Variants in CCDC91 observed in about 807,000 individuals in gnomAD.
CCDC91 encodes coiled-coil domain-containing protein 91.
A neutral mutation model predicts 63.2 loss-of-function variants in CCDC91; 48 were observed. That is an observed-to-expected ratio of 0.76 (90% CI 0.60 to 0.97). The LOEUF (loss-of-function observed/expected upper bound fraction) is 0.97, where lower values mean the gene tolerates loss of function less well. CCDC91 is among the 50% of genes least tolerant of loss of function. The probability of loss-of-function intolerance (pLI) is 0.00; values close to 1 mark genes in which losing one functional copy is unlikely to be tolerated. For missense variants in CCDC91, 500 were observed against 494.6 expected (o/e 1.01, Z -0.10); for synonymous variants, 167 against 165.8 (o/e 1.01, Z -0.06).
intron 1 of CCDC91, chr12:28,191,416 T>G (rs1941232565): frequency 2.0e-5 from 3 of 152,274 alleles, no homozygotes. Context: ...GAGGGTAAAG[T>G]CTTGGCCACA....
chr12:28,327,739 A>G (rs577581444), intron 6 of CCDC91, among the ~76,000 whole-genome samples: 1 of 152,280 alleles, frequency 6.6e-6, no homozygotes, highest in South Asian at 2.1e-4. Context: ...CAACGACGCC[A>G]CTTCAGTAGT....
At chr12:28,398,942 C>T (rs752625009) in intron 8 of CCDC91, among the ~76,000 whole-genome samples, 2 of 152,068 alleles carry the variant, frequency 1.3e-5, no homozygotes, top group African/African-American at 2.4e-5. Flanking sequence ...TTTCTGTCTT[C>T]CTTTTCACTT....
At chr12:28,461,668 C>T (rs1404289442) in intron 11 of CCDC91, among the ~76,000 whole-genome samples, 4 of 151,972 alleles carry the variant, frequency 2.6e-5, no homozygotes, top group African/African-American at 9.7e-5. Context: ...AACCTAAAAA[C>T]GTAAAGCATG....
rs183914510 is a variant in CCDC91 at position 28,194,104 on chromosome 12, A to G, written c.-15+3463A>G. Among the ~76,000 whole-genome samples, 290 of 151,560 alleles carry G rather than the reference A, an allele frequency of 1.9e-3. 3 individuals carry two copies. The highest frequency in any genetic ancestry group is 6.6e-3 in the African/African-American group (273 of 41,248). Reference sequence around the variant, plus strand: ...ATGATTTGTGCTTTTTTATCATGAGAAATTTTGCCTAATCCAACGTTGCAA... The same window carrying G: ...ATGATTTGTGCTTTTTTATCATGAGGAATTTTGCCTAATCCAACGTTGCAA... On this transcript the variant is annotated intron_variant, in intron 1 of 12. Transcript: ENST00000536442.
At chr12:28,296,673 C>T (rs968529178) in intron 3 of CCDC91, among the ~76,000 whole-genome samples, 3 of 151,716 alleles carry the variant, frequency 2.0e-5, no homozygotes, top group Non-Finnish European at 4.4e-5. Flanking sequence ...GGGTCATTTC[C>T]TGTGAGTAAC....
chr12:28,335,326 ATATAT>A (rs1469148679), intron 6 of CCDC91, among the ~76,000 whole-genome samples: 5 of 138,912 alleles, frequency 3.6e-5, no homozygotes, highest in South Asian at 2.1e-4. Context: ...GTATAATATA[ATATAT>A]TATAAATATT....
rs1197222705 is a variant in CCDC91 at position 28,329,057 on chromosome 12, A to G, written c.576+21308A>G. ...TGTGTCTTTCAAAAAATAAAAATGCATTTTTCATACCTGGACTCTACATAT... is the reference window on the plus strand; with the variant it reads ...TGTGTCTTTCAAAAAATAAAAATGCGTTTTTCATACCTGGACTCTACATAT... On this transcript the variant is annotated intron_variant, in intron 6 of 12. Transcript: ENST00000536442. Among the ~76,000 whole-genome samples, 5 of 152,254 alleles carry G rather than the reference A, an allele frequency of 3.3e-5. No homozygotes were observed. The East Asian group carries it at 5.8e-4, about 18-fold the overall frequency.
chr12:28,306,234 A>AT (rs1565769636), intron 4 of CCDC91, among the ~76,000 whole-genome samples: 4 of 152,078 alleles, frequency 2.6e-5, no homozygotes. Context: ...TCATTCAAAT[A>AT]TTTTTTAAAG....
chr12:28,343,920 A>G (rs1048185191), intron 6 of CCDC91, among the ~76,000 whole-genome samples: 7 of 152,104 alleles, frequency 4.6e-5, no homozygotes, highest in East Asian at 1.9e-4. Flanking sequence ...GAGTGAGGTA[A>G]TGTTTTTGCT....
chr12:28,373,735 T>A (rs1392082929), intron 7 of CCDC91, among the ~76,000 whole-genome samples: 1 of 152,162 alleles, frequency 6.6e-6, no homozygotes, highest in South Asian at 2.1e-4. Flanking sequence ...CCCTTCCAAA[T>A]CTCATCTTGA....
In CCDC91 at chr12:28,259,450, T is replaced by C. The variant is rs369472903; in HGVS notation, c.109+8T>C. The C allele has an allele frequency of 5.9e-6, 9 of 1,534,258 alleles. No homozygotes were observed. The African/African-American group carries it at 1.2e-4, about 21-fold the overall frequency. ...GGGCTGCCTTTCCTGCAGGTATTGGTATCCAGGAATTAGGGTTTTTTTTTT... is the reference window on the plus strand; with the variant it reads ...GGGCTGCCTTTCCTGCAGGTATTGGCATCCAGGAATTAGGGTTTTTTTTTT... On this transcript the variant is annotated splice_region_variant and intron_variant, in intron 3 of 12. Transcript: ENST00000536442.
rs771376261 is a variant in CCDC91, at chr12:28,450,392, A to G, written c.898A>G (p.Lys300Glu). Residue 300 changes from lysine to glutamate, a missense_variant, in exon 10 of 13, where the codon AAA becomes GAA. Coordinates refer to ENST00000536442, the MANE Select transcript of CCDC91 (RefSeq NM_018318.5). The part of the protein sequence containing the change: ...KCLEEERQRN[K>E]EALVSAAKLE... ...TTTGGAGGAAGAAAGGCAAAGAAAT[A>G]AAGAGGCATTAGTATCCGCTGCAAA... 2 of 1,612,176 alleles carry G rather than the reference A, an allele frequency of 1.2e-6. No individual in the cohort carries two copies. Among genetic ancestry groups the G allele is most frequent in the Non-Finnish European group, 1.7e-6 (2 of 1,178,534 alleles).
chr12:28,218,659 C>A (rs969452290), intron 1 of CCDC91, among the ~76,000 whole-genome samples: 2 of 150,078 alleles, frequency 1.3e-5, no homozygotes, highest in Non-Finnish European at 3.0e-5. Context: ...TGAAGTTTTG[C>A]CTTTTCAAGA....
intron 6 of CCDC91, among the ~76,000 whole-genome samples, chr12:28,353,164 A>C (rs1943295188): frequency 6.6e-6 from 1 of 152,176 alleles, no homozygotes; most frequent in Non-Finnish European, 1.5e-5. Context: ...ATAACCTCAG[A>C]TTTGTCTTCC....
chr12:28,489,852 T>G (rs1951906266), intron 12 of CCDC91, among the ~76,000 whole-genome samples: 1 of 151,920 alleles, frequency 6.6e-6, no homozygotes. Context: ...TTTCCTTATG[T>G]TCTGACCAGT....
At chr12:28,247,254 G>T (rs10843141) in intron 1 of CCDC91, among the ~76,000 whole-genome samples, 31,292 of 152,120 alleles carry the variant, frequency 0.21, 4,222 homozygotes, top group Non-Finnish European at 0.31. Context: ...GCCGAGGCCG[G>T]TGGATCATGA....
chr12:28,386,625 C>T (rs562166944), intron 7 of CCDC91, among the ~76,000 whole-genome samples: 119 of 152,240 alleles, frequency 7.8e-4, no homozygotes, highest in African/African-American at 2.7e-3. Context: ...CCTCGGCCTC[C>T]CAAAGTACTG....
intron 12 of CCDC91, among the ~76,000 whole-genome samples, chr12:28,517,307 A>G (rs1356274408): frequency 6.6e-6 from 1 of 151,998 alleles, no homozygotes; most frequent in Non-Finnish European, 1.5e-5. Flanking sequence ...TGTGGTGGGC[A>G]AGCCTGAGAT....
At chr12:28,297,741 G>A (rs531797341) in intron 3 of CCDC91, among the ~76,000 whole-genome samples, 43 of 151,816 alleles carry the variant, frequency 2.8e-4, no homozygotes, top group Non-Finnish European at 5.2e-4. Context: ...GACATTACAC[G>A]ATTTTTAATA....
Sources: allele counts gnomAD v4.1 joint callset (sites outside exome capture counted in the v4.1 genomes callset), GRCh38; gene constraint gnomAD v4.1.1; transcripts MANE v1.5; gene names NCBI Gene and HGNC (gene_info 2026-07-23, HGNC 2026-07-21).